The following NBDY variants were observed in gnomAD, a reference collection of about 807,000 sequenced individuals.
NBDY encodes negative regulator of P-body association.
chrX:56,780,984 T>C (rs2069683654), intron 2 of NBDY, among the ~76,000 whole-genome samples: 1 of 109,698 alleles, frequency 9.1e-6, no homozygotes, highest in South Asian at 4.0e-4. Flanking sequence ...ACTGTTTCCT[T>C]GTCAACAAAT....
intron 2 of NBDY, among the ~76,000 whole-genome samples, chrX:56,755,399 C>A (rs1028753442): frequency 1.8e-5 from 2 of 111,681 alleles, no homozygotes; most frequent in Non-Finnish European, 3.8e-5. Context: ...CATGTGACAA[C>A]GGGCTAATAT....
intron 2 of NBDY, among the ~76,000 whole-genome samples, chrX:56,741,190 A>G (rs1439375993): frequency 9.0e-6 from 1 of 111,563 alleles, no homozygotes; most frequent in Non-Finnish European, 1.9e-5. Flanking sequence ...TTTATGACTG[A>G]TTAGTACTCC....
At chrX:56,786,392 T>A (rs2069728015) in intron 2 of NBDY, among the ~76,000 whole-genome samples, 1 of 111,968 alleles carries the variant, frequency 8.9e-6, no homozygotes, top group Non-Finnish European at 1.9e-5. Flanking sequence ...TGCATTGAGG[T>A]CTTCCTGAAC....
In NBDY at chrX:56,767,513, C is replaced by G. The variant is rs192893197; in HGVS notation, c.*166+35314C>G. ...GGAGGGAGAGCCGCGGGCGGTAACA[C>G]GAGCTACTCGCCGCGCTTGCGGGCC... On this transcript the variant is annotated intron_variant, in intron 2 of 2. Coordinates refer to ENST00000374922, the MANE Select transcript of NBDY (RefSeq NM_001348129.2). Among the ~76,000 whole-genome samples the G allele has an allele frequency of 6.8e-3, 770 of 112,730 alleles. 3 individuals carry two copies. Among genetic ancestry groups the G allele is most frequent in the Non-Finnish European group, 0.012 (619 of 53,216 alleles).
At position 56,737,196 on chromosome X, in the gene NBDY, T is replaced by C. The variant is rs1234681593; in HGVS notation, c.*166+4997T>C. ...ATTCTTAAAATTGTTTGTTTCAAGT[T>C]TAACCATCTTCATAACAGCTGCATC... On this transcript the variant is annotated intron_variant, in intron 2 of 2. Coordinates refer to ENST00000374922, the MANE Select transcript of NBDY (RefSeq NM_001348129.2). 4 of 728,941 alleles carry C rather than the reference T, an allele frequency of 5.5e-6. No individual in the cohort carries two copies. In the Admixed American group the frequency reaches 8.9e-5, roughly 16 times the overall value. 60.1% of individuals were successfully genotyped at this position (728,941 alleles called of 1,213,427 possible).
At chrX:56,799,818 G>C (rs995172696) in intron 2 of NBDY, among the ~76,000 whole-genome samples, 1 of 112,506 alleles carries the variant, frequency 8.9e-6, no homozygotes, top group African/African-American at 3.2e-5. Context: ...TCTTCAACAG[G>C]GCTCCCCACC....
chrX:56,746,331 G>C (rs953553910), intron 2 of NBDY, among the ~76,000 whole-genome samples: 4 of 110,642 alleles, frequency 3.6e-5, no homozygotes, highest in African/African-American at 6.6e-5. Context: ...AGGCAAATAT[G>C]ATATGATCGA....
At chrX:56,743,587 T>C (rs1404819646) in intron 2 of NBDY, among the ~76,000 whole-genome samples, 1 of 111,065 alleles carries the variant, frequency 9.0e-6, no homozygotes, top group Non-Finnish European at 1.9e-5. Flanking sequence ...ATAGTTGCCA[T>C]TAATGATCCT....
intron 2 of NBDY, among the ~76,000 whole-genome samples, chrX:56,759,707 A>G (rs1312019857): frequency 3.6e-5 from 4 of 111,591 alleles, no homozygotes; most frequent in Non-Finnish European, 1.9e-5. Flanking sequence ...CACAGGCTGA[A>G]GCAGGAGGAG....
chrX:56,802,067 C>T (rs1237893682), intron 2 of NBDY, among the ~76,000 whole-genome samples: 1 of 111,308 alleles, frequency 9.0e-6, no homozygotes, highest in Non-Finnish European at 1.9e-5. Context: ...CCCACACAGA[C>T]GCACACACAC....
intron 2 of NBDY, among the ~76,000 whole-genome samples, chrX:56,791,928 CCTTT>C (rs1414941724): frequency 1.8e-5 from 2 of 109,952 alleles, no homozygotes; most frequent in African/African-American, 3.3e-5. Context: ...TCTTCCTCTT[CCTTT>C]CTTTCTCCTT....
chrX:56,817,135 G>A (rs2069914404), intron 2 of NBDY, among the ~76,000 whole-genome samples, 185 bp from the exon 3 acceptor site: 1 of 111,693 alleles, frequency 9.0e-6, no homozygotes, highest in African/African-American at 3.3e-5. Context: ...AAAGATGCAG[G>A]TTATTGACAT....
intron 2 of NBDY, among the ~76,000 whole-genome samples, chrX:56,795,576 G>A (rs763567606): frequency 8.9e-6 from 1 of 112,048 alleles, no homozygotes; most frequent in East Asian, 2.8e-4. Context: ...AACAGGCAGA[G>A]TTTCACAGGA....
chrX:56,798,599 T>C (rs965830601), intron 2 of NBDY, among the ~76,000 whole-genome samples: 1 of 112,303 alleles, frequency 8.9e-6, no homozygotes. Context: ...AAACCTTGTG[T>C]AAGCCAGCTG....
chrX:56,766,639 C>A (rs1230682940), intron 2 of NBDY, among the ~76,000 whole-genome samples: 1 of 112,062 alleles, frequency 8.9e-6, no homozygotes, highest in African/African-American at 3.3e-5. Flanking sequence ...AGGAGCATTC[C>A]TGCCTCCAGG....
intron 2 of NBDY, among the ~76,000 whole-genome samples, chrX:56,807,240 G>C (rs1010017249): frequency 1.8e-5 from 2 of 111,994 alleles, no homozygotes; most frequent in African/African-American, 6.5e-5. Context: ...TTTGAAGTTA[G>C]GCAGCGTGAT....
Position 56,732,663 on chromosome X carries a change from G to A in NBDY, c.*166+464G>A, listed in dbSNP as rs189031975. 2.7e-5 allele frequency among the ~76,000 whole-genome samples: 3 copies of A among 111,732 alleles called. No individual in the cohort carries two copies. In the East Asian group the frequency reaches 8.4e-4, roughly 31 times the overall value. On this transcript the variant is annotated intron_variant, in intron 2 of 2. Coordinates refer to ENST00000374922, the MANE Select transcript of NBDY (RefSeq NM_001348129.2). ...ATCTTCAGTACAAAGAGGAACAACA[G>A]CATTGGTAGAGGATTTCCTTATTTT...
At chrX:56,783,434 C>G (rs1449738357) in intron 2 of NBDY, among the ~76,000 whole-genome samples, 2 of 112,889 alleles carry the variant, frequency 1.8e-5, no homozygotes, top group African/African-American at 6.4e-5. Context: ...CATTTTCTGG[C>G]TGTCAGTGGC....
At chrX:56,751,136 T>C (rs758428575) in intron 2 of NBDY, among the ~76,000 whole-genome samples, 1 of 111,369 alleles carries the variant, frequency 9.0e-6, no homozygotes, top group Non-Finnish European at 1.9e-5. Flanking sequence ...ACACAACTTT[T>C]TTTTTTTTTG....
Sources: allele counts gnomAD v4.1 joint callset (sites outside exome capture counted in the v4.1 genomes callset), GRCh38; gene constraint gnomAD v4.1.1; transcripts MANE v1.5; gene names NCBI Gene and HGNC (gene_info 2026-07-23, HGNC 2026-07-21).